The following STXBP5 variants were observed in gnomAD, a reference collection of about 807,000 sequenced individuals.
The protein encoded by STXBP5 is syntaxin-binding protein 5.
A neutral mutation model predicts 152.4 loss-of-function variants in STXBP5; 50 were observed. That is an observed-to-expected ratio of 0.33 (90% CI 0.26 to 0.42). STXBP5 has a LOEUF of 0.42. STXBP5 is among the 10% of genes least tolerant of loss of function. STXBP5 has a pLI of 1.00. For synonymous variants in STXBP5, 492 were observed against 494.7 expected, an observed-to-expected ratio of 0.99 and a Z score of 0.07; for missense variants, 1,167 against 1,388.6, an observed-to-expected ratio of 0.84 and a Z score of 2.54.
intron 13 of STXBP5, 116 bp downstream of exon 13, chr6:147,314,447 A>G: frequency 7.8e-7 from 1 of 1,278,564 alleles, no homozygotes; most frequent in Non-Finnish European, 1.1e-6. Flanking sequence ...TCGTAATATA[A>G]TAAGAAATGT....
At position 147,350,201 on chromosome 6, in the gene STXBP5, T is replaced by G. The variant is rs375351068; in HGVS notation, c.2255-3122T>G. Among the ~76,000 whole-genome samples the G allele has an allele frequency of 4.6e-5, 7 of 152,276 alleles. No homozygotes were observed. The South Asian group carries it at 1.0e-3, about 23-fold the overall frequency. On this transcript the variant is annotated intron_variant, in intron 21 of 27. Transcript: ENST00000321680. ...TTATTTGGAAAGCTGGTTAGTTATA[T>G]TTAGTATTTTTTACATAATAAATTT...
chr6:147,288,264 G>C (rs1781095326), intron 8 of STXBP5, among the ~76,000 whole-genome samples: 1 of 152,172 alleles, frequency 6.6e-6, no homozygotes, highest in Non-Finnish European at 1.5e-5. Flanking sequence ...TGGGAATAGA[G>C]TTCCAGGGAG....
Position 147,278,012 on chromosome 6 carries a change from A to G in STXBP5, c.715-69A>G, listed in dbSNP as rs1780527802. On this transcript the variant is annotated intron_variant, in intron 7 of 27. Coordinates refer to ENST00000321680, the MANE Select transcript of STXBP5 (RefSeq NM_001127715.4). Reference sequence around the variant, plus strand: ...AAAAGTTAAAAATGAAAATTAATAGATGAGATCATTTACAAATAGTTTACT... The same window carrying G: ...AAAAGTTAAAAATGAAAATTAATAGGTGAGATCATTTACAAATAGTTTACT... 7.4e-6 allele frequency: 10 copies of G among 1,345,636 alleles called. No individual in the cohort carries two copies. The Admixed American group carries it at 1.5e-4, about 20-fold the overall frequency. The allele number at this position is 1,345,636 out of a possible 1,614,324, so 83.4% of individuals were successfully genotyped here. A position where few individuals can be genotyped will look rare whatever the true frequency, so the allele number is the denominator to read the frequency against.
chr6:147,316,470 G>A, intron 16 of STXBP5, 63 bp downstream of exon 16: 1 of 1,323,492 alleles, frequency 7.6e-7, no homozygotes, highest in African/African-American at 1.5e-5. Flanking sequence ...TAAATTGTAA[G>A]CATTAGAGCT....
rs146179544 is a variant in STXBP5, at chr6:147,225,125, A to G, written c.249-10125A>G. On this transcript the variant is annotated intron_variant, in intron 2 of 27. Coordinates refer to ENST00000321680, the MANE Select transcript of STXBP5 (RefSeq NM_001127715.4). ...TAACCTTCAGTGTTTCTGATGAATT[A>G]AAATTGTGCTCTTGGGTTTACCTTT... is the stretch of plus-strand genomic sequence containing the variant. Among the ~76,000 whole-genome samples the G allele has an allele frequency of 5.8e-3, 881 of 152,320 alleles. 7 individuals are homozygous for G. Among genetic ancestry groups the G allele is most frequent in the African/African-American group, 0.02 (827 of 41,578 alleles).
At chr6:147,376,483 A>G (rs528631959) in intron 26 of STXBP5, among the ~76,000 whole-genome samples, 10 of 152,170 alleles carry the variant, frequency 6.6e-5, no homozygotes, top group Non-Finnish European at 1.2e-4. Flanking sequence ...TGTAGGCAGA[A>G]TAAATGTTTC....
chr6:147,240,216 A>G (rs1467978721), intron 4 of STXBP5, among the ~76,000 whole-genome samples: 2 of 152,310 alleles, frequency 1.3e-5, no homozygotes, highest in East Asian at 3.9e-4. Context: ...AGCTGGGATT[A>G]CAGGCATGAG....
At chr6:147,328,151 T>C (rs1783368105) in intron 18 of STXBP5, among the ~76,000 whole-genome samples, 1 of 152,224 alleles carries the variant, frequency 6.6e-6, no homozygotes, top group South Asian at 2.1e-4. Context: ...CTTAGCTATA[T>C]ATACCAGTAC....
At chr6:147,294,370 C>G (rs1052395580) in intron 9 of STXBP5, among the ~76,000 whole-genome samples, 4 of 151,872 alleles carry the variant, frequency 2.6e-5, no homozygotes, top group Admixed American at 6.6e-5. Context: ...ATAATATTGC[C>G]TACCTCATTG....
At chr6:147,250,602 A>G (rs1258017819) in intron 4 of STXBP5, among the ~76,000 whole-genome samples, 3 of 152,114 alleles carry the variant, frequency 2.0e-5, no homozygotes, top group Non-Finnish European at 1.5e-5. Flanking sequence ...CATGGATACC[A>G]AGGTAGAACA....
At chr6:147,375,481 G>A (rs957604393) in intron 26 of STXBP5, among the ~76,000 whole-genome samples, 1 of 151,884 alleles carries the variant, frequency 6.6e-6, no homozygotes, top group East Asian at 1.9e-4. Context: ...GTTAGGAGAA[G>A]TCATCTAAAA....
chr6:147,275,351 C>G (rs1490754514), intron 7 of STXBP5, among the ~76,000 whole-genome samples: 1 of 151,862 alleles, frequency 6.6e-6, no homozygotes, highest in East Asian at 1.9e-4. Context: ...ATTATGGGAA[C>G]AGCTATATCA....
At chr6:147,289,052 T>G (rs2128350211) in intron 8 of STXBP5, among the ~76,000 whole-genome samples, 1 of 152,352 alleles carries the variant, frequency 6.6e-6, no homozygotes, top group African/African-American at 2.4e-5. Flanking sequence ...ATTTTGTTAC[T>G]TACTGCCCAT....
At chr6:147,276,323 G>A (rs558813666) in intron 7 of STXBP5, among the ~76,000 whole-genome samples, 1 of 152,178 alleles carries the variant, frequency 6.6e-6, no homozygotes, top group African/African-American at 2.4e-5. Context: ...TTTTTGTGGG[G>A]TGTTTTCTGT....
chr6:147,312,734 A>G (rs60195796), intron 11 of STXBP5, among the ~76,000 whole-genome samples: 3,311 of 152,278 alleles, frequency 0.022, 93 homozygotes, highest in African/African-American at 0.072. Flanking sequence ...AGTACCTGCT[A>G]CTTTTACTAA....
intron 9 of STXBP5, among the ~76,000 whole-genome samples, chr6:147,301,773 A>G (rs577758606): frequency 2.6e-5 from 4 of 152,318 alleles, no homozygotes; most frequent in African/African-American, 4.8e-5. Context: ...CCTACACTGT[A>G]TAATAAACTA....
chr6:147,314,832 A>G (rs990660976), intron 14 of STXBP5, among the ~76,000 whole-genome samples, 196 bp downstream of exon 14: 1 of 152,130 alleles, frequency 6.6e-6, no homozygotes, highest in African/African-American at 2.4e-5. Context: ...ATAATTGGCA[A>G]CACAAGTATT....
intron 8 of STXBP5, among the ~76,000 whole-genome samples, chr6:147,287,799 A>G (rs114245059): frequency 0.022 from 3,377 of 152,226 alleles, 129 homozygotes; most frequent in African/African-American, 0.077. Flanking sequence ...TCAGAGTACA[A>G]TTTCCACCCC....
chr6:147,310,545 T>C (rs111447968), intron 10 of STXBP5, among the ~76,000 whole-genome samples: 5 of 151,862 alleles, frequency 3.3e-5, no homozygotes, highest in South Asian at 2.1e-4. Flanking sequence ...GATTGATTGA[T>C]TGATTGATTG....
Sources: gnomAD v4.1 joint callset for allele counts (sites outside exome capture counted in the v4.1 genomes callset) on GRCh38, gnomAD v4.1.1 for gene constraint, MANE v1.5 for transcripts, NCBI Gene and HGNC (gene_info 2026-07-23, HGNC 2026-07-21) for gene names.